Variants in CACNA2D2 observed in about 807,000 individuals in gnomAD.
The protein encoded by CACNA2D2 is voltage-dependent calcium channel subunit alpha-2/delta-2.
A neutral mutation model predicts 166.4 loss-of-function variants in CACNA2D2; 48 were observed. The observed-to-expected ratio is 0.29, with a 90% CI of 0.23 to 0.37. CACNA2D2 has a LOEUF of 0.37. Among genes scored for constraint, CACNA2D2 ranks in the 10% least tolerant of loss-of-function variants. The probability of loss-of-function intolerance (pLI) is 1.00; values close to 1 mark genes in which losing one functional copy is unlikely to be tolerated. For synonymous variants in CACNA2D2, 561 were observed against 573.7 expected (o/e 0.98, Z 0.32); for missense variants, 1,122 against 1,433.0 (o/e 0.78, Z 3.50).
intron 3 of CACNA2D2, among the ~76,000 whole-genome samples, chr3:50,410,489 G>A (rs940012886): frequency 1.3e-5 from 2 of 151,980 alleles, no homozygotes; most frequent in South Asian, 2.1e-4. Context: ...ATGGGGGGGG[G>A]GGTGTTGTCT....
chr3:50,374,940 C>A, intron 21 of CACNA2D2, 127 bp from the exon 22 acceptor site: 1 of 761,210 alleles, frequency 1.3e-6, no homozygotes, highest in Non-Finnish European at 2.2e-6. Flanking sequence ...CCAGGGACCC[C>A]TCTCCCCGCT....
intron 2 of CACNA2D2, among the ~76,000 whole-genome samples, chr3:50,469,676 G>T (rs1709982415): frequency 6.6e-6 from 1 of 152,176 alleles, no homozygotes; most frequent in South Asian, 2.1e-4. Context: ...AGGGAATCAA[G>T]GCTCAGAGAG....
rs587774341 is a variant in CACNA2D2 at position 50,365,658 on chromosome 3, G to A, written c.2946C>T (p.Leu982=). 1.9e-6 allele frequency: 3 copies of A among 1,582,492 alleles called. No homozygotes were observed. The highest frequency in any genetic ancestry group is 1.1e-5 in the South Asian group (1 of 87,160). ...WSLFQQLLYG[L]IYHSWFQADP... The stretch of plus-strand genomic sequence containing the variant: ...CTGCTTGGAACCAGCTGTGGTAGAT[G>A]AGGCCGTAGAGAAGCTGCTGGAACA... The change falls in exon 34 of 38, where the codon CTC becomes CTT. Residue 982 remains leucine (L), a synonymous_variant. Coordinates refer to ENST00000424201, the MANE Select transcript of CACNA2D2 (RefSeq NM_006030.4). The surrounding 1 kb of genome is among the most constrained non-coding windows in gnomAD (Gnocchi z 4.5).
At chr3:50,496,603 A>G (rs924416887) in intron 1 of CACNA2D2, among the ~76,000 whole-genome samples, 1 of 152,224 alleles carries the variant, frequency 6.6e-6, no homozygotes, top group African/African-American at 2.4e-5. Context: ...CTAGACTGCA[A>G]ATACCCCCTA....
intron 3 of CACNA2D2, among the ~76,000 whole-genome samples, chr3:50,413,528 TG>T (rs1707124023): frequency 1.3e-5 from 2 of 151,970 alleles, no homozygotes; most frequent in South Asian, 2.1e-4. Context: ...GCTTCCCCGT[TG>T]TAAGTTGCCC....
chr3:50,503,915 G>A (rs1290534074), upstream of CACNA2D2, among the ~76,000 whole-genome samples: 2 of 148,766 alleles, frequency 1.3e-5, no homozygotes, highest in African/African-American at 2.5e-5. Context: ...CACCCCACCC[G>A]CGGGAAGAGT....
intron 2 of CACNA2D2, among the ~76,000 whole-genome samples, chr3:50,448,976 A>G (rs1241952253): frequency 1.3e-5 from 2 of 152,064 alleles, no homozygotes; most frequent in Non-Finnish European, 2.9e-5. Flanking sequence ...CTTCCTGCCC[A>G]CCCCCATCCC....
intron 3 of CACNA2D2, among the ~76,000 whole-genome samples, chr3:50,422,047 A>C (rs2106842516): frequency 6.6e-6 from 1 of 152,048 alleles, no homozygotes. Context: ...AGATCCCCTG[A>C]CCCAAAGGCA....
chr3:50,435,051 A>G (rs990353845), intron 2 of CACNA2D2, among the ~76,000 whole-genome samples: 3 of 152,034 alleles, frequency 2.0e-5, no homozygotes, highest in African/African-American at 7.2e-5. Context: ...AGGAAGGGGC[A>G]GGTTGGGGAG....
At chr3:50,471,737 A>T (rs952106435) in intron 2 of CACNA2D2, among the ~76,000 whole-genome samples, 7 of 152,268 alleles carry the variant, frequency 4.6e-5, no homozygotes, top group Admixed American at 4.6e-4. Flanking sequence ...GCCCCTCGAG[A>T]AAGTGGCCCT....
At position 50,490,207 on chromosome 3, in the gene CACNA2D2, G is replaced by A. The variant is rs1698467790; in HGVS notation, c.206+13011C>T. Among the ~76,000 whole-genome samples the A allele has an allele frequency of 1.3e-5, 2 of 152,168 alleles. 1 individual carries two copies. The highest frequency in any genetic ancestry group is 1.3e-4 in the Admixed American group (2 of 15,288). On this transcript the variant is annotated intron_variant, in intron 1 of 37. Coordinates refer to ENST00000424201, the MANE Select transcript of CACNA2D2 (RefSeq NM_006030.4). ...GGACAAGCTGCAGATTTTGGCAACT[G>A]GCTGCATGCACAGGCATTTGGGTTC... is the stretch of plus-strand genomic sequence containing the variant.
At chr3:50,435,134 G>GATGT (rs1553744425) in intron 2 of CACNA2D2, among the ~76,000 whole-genome samples, 7 of 149,694 alleles carry the variant, frequency 4.7e-5, no homozygotes, top group Admixed American at 2.0e-4. Flanking sequence ...TAAATCTGAG[G>GATGT]GTGTGTGTGT....
intron 2 of CACNA2D2, among the ~76,000 whole-genome samples, chr3:50,474,094 G>A (rs899439026): frequency 4.6e-5 from 7 of 152,182 alleles, no homozygotes; most frequent in East Asian, 1.9e-4. Flanking sequence ...CACAGCCGGA[G>A]CTGCACGTTG....
intron 2 of CACNA2D2, among the ~76,000 whole-genome samples, chr3:50,435,151 G>C (rs947988763): frequency 1.3e-5 from 2 of 151,964 alleles, no homozygotes; most frequent in Non-Finnish European, 2.9e-5. Flanking sequence ...GTGTGTGTGT[G>C]TGTGAGGGCT....
chr3:50,420,658 G>C (rs533701354), intron 3 of CACNA2D2, among the ~76,000 whole-genome samples: 1 of 152,328 alleles, frequency 6.6e-6, no homozygotes, highest in Admixed American at 6.5e-5. Context: ...CAGCCCACCA[G>C]CTATGGGAAG....
chr3:50,459,156 G>C (rs1487489275), intron 2 of CACNA2D2, among the ~76,000 whole-genome samples: 1 of 152,206 alleles, frequency 6.6e-6, no homozygotes. Context: ...GCTAATTACA[G>C]GGCAGTCACA....
chr3:50,425,444 T>C (rs1267167783), intron 3 of CACNA2D2, among the ~76,000 whole-genome samples: 1 of 152,200 alleles, frequency 6.6e-6, no homozygotes, highest in East Asian at 1.9e-4. Flanking sequence ...TTAGCTGCTC[T>C]GCACATTGGG....
rs763562125 is a variant in CACNA2D2 at position 50,367,749 on chromosome 3, G to C, written c.2235-45C>G. The stretch of plus-strand genomic sequence containing the variant: ...GGGGTCACAGGCCTGCCTTCTGCTG[G>C]GCAGGTCCAGGGCCTCTGGGCCCAT... On this transcript the variant is annotated intron_variant, in intron 25 of 37. Coordinates refer to ENST00000424201, the MANE Select transcript of CACNA2D2 (RefSeq NM_006030.4). The surrounding 1 kb of genome is among the most constrained non-coding windows in gnomAD (Gnocchi z 6.5). 6.2e-7 allele frequency: 1 copy of C among 1,612,080 alleles called. No homozygotes were observed. The highest frequency in any genetic ancestry group is 1.1e-5 in the South Asian group (1 of 91,012).
At position 50,366,971 on chromosome 3, in the gene CACNA2D2, G is replaced by A. The variant is rs1318154780; in HGVS notation, c.2500+40C>T. ...GTGCTACCTGCCCAGGCAGTACCCTGTCCATTGCCTGTTTCCCCACCTCTG... is the reference window on the plus strand; with the variant it reads ...GTGCTACCTGCCCAGGCAGTACCCTATCCATTGCCTGTTTCCCCACCTCTG... On this transcript the variant is annotated intron_variant, in intron 28 of 37. Coordinates refer to ENST00000424201, the MANE Select transcript of CACNA2D2 (RefSeq NM_006030.4). This position sits in a 1 kb window ranked among gnomAD's most constrained non-coding sequence, Gnocchi z 5.9. The A allele has an allele frequency of 2.0e-5, 33 of 1,612,684 alleles. No homozygotes were observed. Among genetic ancestry groups the A allele is most frequent in the Non-Finnish European group, 2.5e-5 (30 of 1,179,014 alleles).
Sources: gnomAD v4.1 joint callset for allele counts (sites outside exome capture counted in the v4.1 genomes callset) on GRCh38, gnomAD v4.1.1 for gene constraint, Gnocchi (gnomAD v3.1) non-coding constraint, MANE v1.5 for transcripts, NCBI Gene and HGNC (gene_info 2026-07-23, HGNC 2026-07-21) for gene names.